ZMAT4: variants seen among roughly 807,000 people sequenced by gnomAD.
The protein encoded by ZMAT4 is zinc finger matrin-type 4.
In ZMAT4, 17 loss-of-function variants were observed where a neutral mutation model predicts 28.7. The ratio of observed to expected loss-of-function variants is 0.59; its 90% CI spans 0.41 to 0.89. ZMAT4 has a LOEUF of 0.89. Ranked by LOEUF, ZMAT4 falls within the 40% of genes least tolerant of loss-of-function variation. The pLI, the probability that ZMAT4 is intolerant of heterozygous loss-of-function variation, is 0.00. For synonymous variants in ZMAT4, 117 were observed against 109.2 expected (o/e 1.07, Z -0.44); for missense variants, 240 against 283.8 (o/e 0.85, Z 1.11).
chr8:40,576,965 G>A (rs1253232995), intron 6 of ZMAT4, among the ~76,000 whole-genome samples: 10 of 152,042 alleles, frequency 6.6e-5, no homozygotes, highest in South Asian at 2.1e-4. Flanking sequence ...AGGCTGAGGC[G>A]GGCAGATCAC....
chr8:40,801,928 A>T (rs1272659071), intron 2 of ZMAT4, among the ~76,000 whole-genome samples: 1 of 152,216 alleles, frequency 6.6e-6, no homozygotes, highest in Non-Finnish European at 1.5e-5. Context: ...AACATTTAAA[A>T]ATCAATTAAT....
chr8:40,734,467 A>C (rs1811675267), intron 3 of ZMAT4, among the ~76,000 whole-genome samples: 2 of 152,356 alleles, frequency 1.3e-5, no homozygotes, highest in South Asian at 4.1e-4. Context: ...GTGTAAATTT[A>C]GACGATTTCC....
chr8:40,621,920 T>A (rs938382298), intron 5 of ZMAT4, among the ~76,000 whole-genome samples: 3 of 152,198 alleles, frequency 2.0e-5, no homozygotes, highest in Non-Finnish European at 4.4e-5. Context: ...GTGGCAGAAC[T>A]AACAGCAGTT....
chr8:40,561,519 C>T (rs910189062), intron 6 of ZMAT4, among the ~76,000 whole-genome samples: 3 of 152,112 alleles, frequency 2.0e-5, no homozygotes, highest in South Asian at 2.1e-4. Context: ...ACTCGGGTTT[C>T]AGTCTGTCCT....
intron 5 of ZMAT4, among the ~76,000 whole-genome samples, chr8:40,663,515 TG>T (rs1808285986): frequency 6.6e-6 from 1 of 152,226 alleles, no homozygotes; most frequent in South Asian, 2.1e-4. Context: ...AGTGAATGAA[TG>T]AATGAATGAC....
chr8:40,643,500 T>A lies in ZMAT4; in HGVS notation c.577+31204A>T, dbSNP rs575478926. Among the ~76,000 whole-genome samples, 64 of 152,318 alleles carry A rather than the reference T, an allele frequency of 4.2e-4. 1 individual carries two copies. The South Asian group carries it at 0.013, about 31-fold the overall frequency. Reference sequence around the variant, plus strand: ...ACTAAATAAATACTTCTTTAGCGCATATCAAGTGACAGATATTGTGCTAAA... The same window carrying A: ...ACTAAATAAATACTTCTTTAGCGCAAATCAAGTGACAGATATTGTGCTAAA... On this transcript the variant is annotated intron_variant, in intron 5 of 6. Coordinates refer to ENST00000297737, the MANE Select transcript of ZMAT4 (RefSeq NM_024645.3).
At chr8:40,585,344 A>C (rs1804631653) in intron 5 of ZMAT4, among the ~76,000 whole-genome samples, 1 of 152,170 alleles carries the variant, frequency 6.6e-6, no homozygotes. Context: ...TTTCTCAAGC[A>C]GTGACTCCCA....
chr8:40,643,830 A>T (rs1378889860), intron 5 of ZMAT4, among the ~76,000 whole-genome samples: 2 of 152,126 alleles, frequency 1.3e-5, no homozygotes, highest in African/African-American at 4.8e-5. Flanking sequence ...CCAGGAAAAA[A>T]AAACTATGCA....
chr8:40,862,706 C>A (rs1239832461), intron 1 of ZMAT4, among the ~76,000 whole-genome samples: 1 of 150,704 alleles, frequency 6.6e-6, no homozygotes, highest in African/African-American at 2.4e-5. Context: ...TCATTCTCAG[C>A]AAATTATTGC....
chr8:40,837,454 T>A (rs528471129), intron 1 of ZMAT4, among the ~76,000 whole-genome samples: 6 of 152,344 alleles, frequency 3.9e-5, no homozygotes, highest in Admixed American at 3.9e-4. Context: ...CCAGGATTTA[T>A]CCAGCATGAC....
chr8:40,744,242 A>T (rs1050766919), intron 3 of ZMAT4, among the ~76,000 whole-genome samples: 9 of 152,092 alleles, frequency 5.9e-5, no homozygotes, highest in African/African-American at 2.2e-4. Flanking sequence ...ACTGTCTTGG[A>T]TTCTTAATCC....
chr8:40,585,585 T>TA (rs951043638), intron 5 of ZMAT4, among the ~76,000 whole-genome samples: 22 of 150,976 alleles, frequency 1.5e-4, no homozygotes, highest in East Asian at 5.8e-4. Flanking sequence ...ACTGGACCTT[T>TA]AAAAAAAAAG....
intron 4 of ZMAT4, among the ~76,000 whole-genome samples, chr8:40,675,637 T>C (rs1470433455): frequency 6.6e-6 from 1 of 152,166 alleles, no homozygotes; most frequent in East Asian, 1.9e-4. Flanking sequence ...TCCGAATGAA[T>C]GAATTGGACG....
chr8:40,731,422 C>CAGAGAG (rs113359234), intron 3 of ZMAT4, among the ~76,000 whole-genome samples: 27 of 151,014 alleles, frequency 1.8e-4, no homozygotes, highest in East Asian at 3.9e-4. Context: ...AATGATCAGA[C>CAGAGAG]AGAGAGAGAG....
chr8:40,675,731 A>C, intron 4 of ZMAT4, among the ~76,000 whole-genome samples: 1 of 152,212 alleles, frequency 6.6e-6, no homozygotes, highest in Admixed American at 6.5e-5. Flanking sequence ...CATGGGTTGC[A>C]TTAATTGAGG....
chr8:40,868,412 AG>A (rs1196297707), intron 1 of ZMAT4, among the ~76,000 whole-genome samples: 3 of 152,110 alleles, frequency 2.0e-5, no homozygotes, highest in Non-Finnish European at 4.4e-5. Flanking sequence ...ACAGAACCAC[AG>A]GGGAGGAAGT....
At chr8:40,828,657 A>AT (rs2150615445) in intron 1 of ZMAT4, among the ~76,000 whole-genome samples, 1 of 152,354 alleles carries the variant, frequency 6.6e-6, no homozygotes, top group South Asian at 2.1e-4. Context: ...TTAAAAGGCA[A>AT]TAAGGACCCC....
chr8:40,644,696 A>G (rs1053311539), intron 5 of ZMAT4, among the ~76,000 whole-genome samples: 2 of 152,208 alleles, frequency 1.3e-5, no homozygotes, highest in Non-Finnish European at 2.9e-5. Flanking sequence ...TGGGGTGTGC[A>G]TAATGAATTC....
chr8:40,726,916 C>T (rs553087696), intron 3 of ZMAT4, among the ~76,000 whole-genome samples: 3 of 152,294 alleles, frequency 2.0e-5, no homozygotes, highest in Non-Finnish European at 4.4e-5. Context: ...GTCTCACATC[C>T]TCTAGTTCAT....
Sources: allele counts gnomAD v4.1 joint callset (sites outside exome capture counted in the v4.1 genomes callset), GRCh38; gene constraint gnomAD v4.1.1; transcripts MANE v1.5; gene names NCBI Gene and HGNC (gene_info 2026-07-23, HGNC 2026-07-21).